TXNDC16: variants seen among roughly 807,000 people sequenced by gnomAD.
TXNDC16 encodes the protein thioredoxin domain-containing protein 16.
A neutral mutation model predicts 85.6 loss-of-function variants in TXNDC16; 74 were observed. That is an observed-to-expected ratio of 0.86 (90% confidence interval 0.72 to 1.05). The LOEUF is 1.05. TXNDC16 is among the 50% of genes least tolerant of loss of function. The pLI is 0.00. For synonymous variants in TXNDC16, 335 were observed against 326.5 expected, an observed-to-expected ratio of 1.03 and a Z score of -0.28; for missense variants, 959 against 947.0, an observed-to-expected ratio of 1.01 and a Z score of -0.17.
chr14:52,516,458 G>A (rs976187512), intron 7 of TXNDC16, among the ~76,000 whole-genome samples: 1 of 152,120 alleles, frequency 6.6e-6, no homozygotes, highest in Non-Finnish European at 1.5e-5. Context: ...GAAGTTCGAT[G>A]CTATTCTCAT....
At chr14:52,549,614 T>C (rs2038004943) in intron 1 of TXNDC16, among the ~76,000 whole-genome samples, 1 of 151,264 alleles carries the variant, frequency 6.6e-6, no homozygotes. Context: ...CAATAGTAAT[T>C]GACAAACAGT....
chr14:52,450,830 A>G (rs907591672), intron 18 of TXNDC16, among the ~76,000 whole-genome samples: 2 of 151,046 alleles, frequency 1.3e-5, no homozygotes, highest in African/African-American at 4.9e-5. Context: ...CCATGAATCA[A>G]CAAGTGGATA....
intron 9 of TXNDC16, among the ~76,000 whole-genome samples, chr14:52,510,373 A>C (rs2140181336): frequency 6.6e-6 from 1 of 152,318 alleles, no homozygotes; most frequent in African/African-American, 2.4e-5. Flanking sequence ...AACACTTATC[A>C]ATAGTTCCAT....
At chr14:52,496,380 G>T (rs1379679879) in intron 9 of TXNDC16, among the ~76,000 whole-genome samples, 2 of 150,042 alleles carry the variant, frequency 1.3e-5, no homozygotes, top group African/African-American at 4.9e-5. Context: ...GAGACTCTTG[G>T]TTACAAAGTC....
intron 16 of TXNDC16, among the ~76,000 whole-genome samples, chr14:52,462,019 T>G (rs532235927): frequency 6.6e-6 from 1 of 152,236 alleles, no homozygotes; most frequent in African/African-American, 2.4e-5. Context: ...ATATTTAAGT[T>G]ACACTCTTGA....
intron 9 of TXNDC16, among the ~76,000 whole-genome samples, chr14:52,493,111 A>C (rs999501167): frequency 6.1e-5 from 9 of 148,050 alleles, no homozygotes; most frequent in Admixed American, 2.0e-4. Flanking sequence ...CCCTGTCTCT[A>C]TTTTTTTTTT....
intron 12 of TXNDC16, among the ~76,000 whole-genome samples, chr14:52,483,182 T>C (rs1033350676): frequency 6.6e-5 from 10 of 152,108 alleles, no homozygotes; most frequent in Admixed American, 1.3e-4. Flanking sequence ...TTTTAGTCAA[T>C]TTCAAAATTA....
At chr14:52,504,772 T>C (rs2036751142) in intron 9 of TXNDC16, among the ~76,000 whole-genome samples, 1 of 152,190 alleles carries the variant, frequency 6.6e-6, no homozygotes, top group East Asian at 1.9e-4. Context: ...ACACACAGCC[T>C]GGCAAATTGG....
At chr14:52,447,197 C>G (rs901398211) in intron 18 of TXNDC16, among the ~76,000 whole-genome samples, 1 of 149,680 alleles carries the variant, frequency 6.7e-6, no homozygotes, top group African/African-American at 2.5e-5. Flanking sequence ...GCATGAGTCC[C>G]AGGCCAGAAA....
chr14:52,551,858 G>A (rs1198563582), intron 1 of TXNDC16, among the ~76,000 whole-genome samples: 1 of 152,078 alleles, frequency 6.6e-6, no homozygotes, highest in Non-Finnish European at 1.5e-5. Flanking sequence ...TTCCTCTCCA[G>A]GCAATCATCA....
chr14:52,534,037 A>G (rs1041834507), intron 6 of TXNDC16, among the ~76,000 whole-genome samples: 1 of 152,144 alleles, frequency 6.6e-6, no homozygotes, highest in African/African-American at 2.4e-5. Context: ...TGGTATGGTG[A>G]GGGCAGCTTC....
chr14:52,472,626 T>C (rs1453368058), intron 14 of TXNDC16, among the ~76,000 whole-genome samples: 1 of 152,240 alleles, frequency 6.6e-6, no homozygotes, highest in Admixed American at 6.5e-5. Flanking sequence ...CATTAAAGGA[T>C]ATTAATACTT....
intron 14 of TXNDC16, among the ~76,000 whole-genome samples, chr14:52,480,969 ATATATG>A (rs1566550716): frequency 1.2e-5 from 1 of 85,120 alleles, no homozygotes; most frequent in Non-Finnish European, 2.1e-5. Context: ...GTGTATATAT[ATATATG>A]TATATATATA....
intron 9 of TXNDC16, among the ~76,000 whole-genome samples, chr14:52,497,378 T>C (rs528597295): frequency 2.0e-5 from 3 of 152,330 alleles, no homozygotes; most frequent in African/African-American, 7.2e-5. Flanking sequence ...ATAGCTTCAA[T>C]GGAAAATCCA....
rs181073059 is a variant in TXNDC16, at chr14:52,516,901, G to C, written c.515-1931C>G. ...TGTCACTCTCTCTAGTACTACTCCT[G>C]TCATAATCCTTGGGAATTTTATTAT... On this transcript the variant is annotated intron_variant, in intron 7 of 20. Coordinates refer to ENST00000281741, the MANE Select transcript of TXNDC16 (RefSeq NM_020784.3). Among the ~76,000 whole-genome samples the C allele has an allele frequency of 2.7e-4, 41 of 152,128 alleles. No homozygotes were observed. The East Asian group carries it at 7.5e-3, about 28-fold the overall frequency.
chr14:52,461,398 TAAAC>T (rs1443459015), intron 16 of TXNDC16, among the ~76,000 whole-genome samples: 2 of 139,644 alleles, frequency 1.4e-5, no homozygotes, highest in African/African-American at 2.7e-5. Context: ...TCAAAGTACA[TAAAC>T]AAACATATGT....
intron 13 of TXNDC16, 26 bp downstream of exon 13, chr14:52,482,796 A>G (rs1166029598): frequency 6.4e-7 from 1 of 1,562,834 alleles, no homozygotes; most frequent in Non-Finnish European, 8.6e-7. Flanking sequence ...CTAATATGTA[A>G]CAGTCCTCTA....
intron 6 of TXNDC16, among the ~76,000 whole-genome samples, chr14:52,530,050 T>G (rs536884619): frequency 1.1e-5 from 1 of 89,662 alleles, no homozygotes; most frequent in Non-Finnish European, 1.9e-5. Flanking sequence ...GTAATTTATT[T>G]ATACATTATA....
chr14:52,439,088 G>T, intron 20 of TXNDC16, 116 bp downstream of exon 20: 1 of 1,106,972 alleles, frequency 9.0e-7, no homozygotes, highest in Non-Finnish European at 1.3e-6. Context: ...TGTCCACATG[G>T]ATGATGCTAC....
Sources: gnomAD v4.1 joint callset for allele counts (sites outside exome capture counted in the v4.1 genomes callset) on GRCh38, gnomAD v4.1.1 for gene constraint, MANE v1.5 for transcripts, NCBI Gene and HGNC (gene_info 2026-07-23, HGNC 2026-07-21) for gene names.